SV2C: variants seen among roughly 807,000 people sequenced by gnomAD.
The protein encoded by SV2C is synaptic vesicle glycoprotein 2C, also known as solute carrier family 22 member B3.
In SV2C, 49 loss-of-function variants were observed where a neutral mutation model predicts 79.7. That is an observed-to-expected ratio of 0.61 (90% CI 0.49 to 0.78). SV2C has a LOEUF of 0.78. Ranked by LOEUF, SV2C falls within the 30% of genes least tolerant of loss-of-function variation. SV2C has a pLI of 0.00. For synonymous variants in SV2C, 334 were observed against 333.2 expected (o/e 1.00, Z -0.03); for missense variants, 833 against 912.9 (o/e 0.91, Z 1.13).
At chr5:75,949,324 C>G in the SV2C span, among the ~76,000 whole-genome samples, 1 of 152,030 alleles carries the variant, frequency 6.6e-6, no homozygotes, top group African/African-American at 2.4e-5. Flanking sequence ...GACTAGTACA[C>G]TGACTTAGGG....
chr5:76,006,894 T>C, the SV2C span, among the ~76,000 whole-genome samples: 1 of 152,168 alleles, frequency 6.6e-6, no homozygotes, highest in Non-Finnish European at 1.5e-5. Flanking sequence ...CACTCACTCT[T>C]ACAATGCCTT....
chr5:75,948,369 A>T, the SV2C span, among the ~76,000 whole-genome samples: 5 of 152,106 alleles, frequency 3.3e-5, no homozygotes, highest in African/African-American at 4.8e-5. Flanking sequence ...CCAACAAATA[A>T]TTATTGAGTA....
chr5:76,318,709 A>C (rs1335164168), intron 12 of SV2C, among the ~76,000 whole-genome samples: 1 of 152,254 alleles, frequency 6.6e-6, no homozygotes, highest in Non-Finnish European at 1.5e-5. Flanking sequence ...AATTTTAAAT[A>C]AGTAGATTGA....
At chr5:76,279,473 G>A (rs996118144) in intron 4 of SV2C, among the ~76,000 whole-genome samples, 9 of 152,164 alleles carry the variant, frequency 5.9e-5, no homozygotes, top group South Asian at 2.1e-4. Flanking sequence ...AGGTGGGAAC[G>A]AAACTAGCAT....
intron 1 of SV2C, among the ~76,000 whole-genome samples, chr5:76,112,181 AAC>A (rs1237813172): frequency 6.6e-6 from 1 of 152,230 alleles, no homozygotes; most frequent in Non-Finnish European, 1.5e-5. Context: ...GCAATGAACA[AAC>A]ACAAAATATG....
At chr5:75,849,359 A>G in the SV2C span, among the ~76,000 whole-genome samples, 1 of 152,164 alleles carries the variant, frequency 6.6e-6, no homozygotes, top group East Asian at 1.9e-4. Flanking sequence ...AATTACATAT[A>G]CACCTACTTA....
chr5:76,001,780 C>T, the SV2C span, among the ~76,000 whole-genome samples: 1 of 152,076 alleles, frequency 6.6e-6, no homozygotes, highest in Non-Finnish European at 1.5e-5. Context: ...GCACCATTCC[C>T]CCAGCCCAGT....
the SV2C span, among the ~76,000 whole-genome samples, chr5:76,050,570 ATCTC>A: frequency 2.4e-4 from 36 of 150,474 alleles, no homozygotes; most frequent in African/African-American, 5.1e-4. Context: ...CTAATTCTTG[ATCTC>A]TCTCTCTCTC....
At chr5:75,908,637 T>C in the SV2C span, among the ~76,000 whole-genome samples, 1 of 152,142 alleles carries the variant, frequency 6.6e-6, no homozygotes, top group Non-Finnish European at 1.5e-5. Context: ...TCAGGGCTGG[T>C]TTGTAAATTT....
chr5:76,221,163 G>A (rs1745053723), intron 4 of SV2C, among the ~76,000 whole-genome samples: 1 of 152,150 alleles, frequency 6.6e-6, no homozygotes, highest in East Asian at 1.9e-4. Context: ...GAAACAGAAA[G>A]CAACTCTGGC....
chr5:76,077,618 A>G, the SV2C span, among the ~76,000 whole-genome samples: 1 of 152,232 alleles, frequency 6.6e-6, no homozygotes, highest in Non-Finnish European at 1.5e-5. Context: ...ACCAGCCACA[A>G]GAGCAATCCA....
the SV2C span, among the ~76,000 whole-genome samples, chr5:76,069,834 T>TCA: frequency 6.8e-5 from 10 of 146,376 alleles, no homozygotes; most frequent in South Asian, 4.6e-4. Flanking sequence ...TCTCTCTCTC[T>TCA]CACACACACA....
chr5:76,110,481 C>T (rs551120801), intron 1 of SV2C, among the ~76,000 whole-genome samples: 4 of 152,324 alleles, frequency 2.6e-5, no homozygotes, highest in South Asian at 4.1e-4. Flanking sequence ...AGCAAAGGCA[C>T]GTTCCTGAAA....
At chr5:76,072,764 C>T in the SV2C span, among the ~76,000 whole-genome samples, 6 of 152,026 alleles carry the variant, frequency 3.9e-5, no homozygotes, top group East Asian at 1.9e-4. Flanking sequence ...TCCAGACCAA[C>T]GTCTATTATT....
the SV2C span, among the ~76,000 whole-genome samples, chr5:75,859,730 T>C: frequency 3.3e-5 from 5 of 152,152 alleles, no homozygotes; most frequent in Admixed American, 6.5e-5. Flanking sequence ...ATCAAACATC[T>C]TGGCTCCTCC....
At chr5:76,155,699 G>A in intron 2 of SV2C, among the ~76,000 whole-genome samples, 1 of 152,006 alleles carries the variant, frequency 6.6e-6, no homozygotes, top group East Asian at 1.9e-4. Context: ...TTTCTCACAG[G>A]AAGAAGCAAG....
In SV2C at chr5:76,194,952, C is replaced by T. The variant is rs752729244; in HGVS notation, c.614C>T (p.Ala205Val). The T allele has an allele frequency of 5.0e-6, 8 of 1,613,916 alleles. No individual in the cohort carries two copies. The highest frequency in any genetic ancestry group is 4.4e-5 in the South Asian group (4 of 91,056). Residue 205 changes from alanine (A) to valine (V), a missense_variant, in exon 3 of 13, where the codon GCG becomes GTG. By Grantham distance (64) the Ala-to-Val change is moderately conservative (BLOSUM62 0). Transcript: ENST00000502798. ...GTGTACCTCGGGATGATGGTGGGGG[C>T]GTTCTTCTGGGGAGGACTGGCAGAC... ...SIVYLGMMVG[A>V]FFWGGLADKV...
chr5:76,167,766 G>T (rs559987849), intron 2 of SV2C, among the ~76,000 whole-genome samples: 4 of 152,204 alleles, frequency 2.6e-5, no homozygotes, highest in Non-Finnish European at 5.9e-5. Context: ...GGCTGGTGGT[G>T]AAGAGTCTTC....
At chr5:75,947,798 T>A in the SV2C span, among the ~76,000 whole-genome samples, 1 of 152,152 alleles carries the variant, frequency 6.6e-6, no homozygotes, top group South Asian at 2.1e-4. Context: ...TACAAAATAA[T>A]CACCCTCGGC....
Sources: gnomAD v4.1 joint callset for allele counts (sites outside exome capture counted in the v4.1 genomes callset) on GRCh38, gnomAD v4.1.1 for gene constraint, MANE v1.5 for transcripts, NCBI Gene and HGNC (gene_info 2026-07-23, HGNC 2026-07-21) for gene names.